SLC12A1: variants seen among roughly 807,000 people sequenced by gnomAD.
SLC12A1 encodes Na-K-2Cl cotransporter.
SLC12A1 carries 89 observed loss-of-function variants against 130.4 expected under a neutral mutation model. That is an observed-to-expected ratio of 0.68 (90% CI 0.58 to 0.81). The LOEUF (loss-of-function observed/expected upper bound fraction) is 0.81. SLC12A1 is among the 40% of genes least tolerant of loss of function. The probability of loss-of-function intolerance (pLI) is 0.00; values close to 1 mark genes in which losing one functional copy is unlikely to be tolerated. For missense variants in SLC12A1, 1,310 were observed against 1,336.4 expected, an observed-to-expected ratio of 0.98 and a Z score of 0.31; for synonymous variants, 499 against 460.0, an observed-to-expected ratio of 1.08 and a Z score of -1.09.
rs78681617 is a variant in SLC12A1, at chr15:48,221,155, G to C, written c.628+159G>C. Among the ~76,000 whole-genome samples the C allele has an allele frequency of 0.057, 8,606 of 152,270 alleles. 650 individuals carry two copies. The highest frequency in any genetic ancestry group is 0.16 in the African/African-American group (6,798 of 41,536). ...CTTCTTTGACGATGTTTGTCAGAAA[G>C]CAAAGGTGAAGAGTTAACTCCTATG... On this transcript the variant is annotated intron_variant, in intron 4 of 26. Coordinates refer to ENST00000380993, the MANE Select transcript of SLC12A1 (RefSeq NM_000338.3).
chr15:48,264,533 T>C (rs978842411), intron 17 of SLC12A1, among the ~76,000 whole-genome samples: 2 of 152,210 alleles, frequency 1.3e-5, no homozygotes, highest in African/African-American at 4.8e-5. Flanking sequence ...ATCTTATTTT[T>C]TTTATCAGTG....
rs1273906885 is a variant in SLC12A1, at chr15:48,274,517, C to G, written c.2403-54C>G. The G allele has an allele frequency of 4.3e-6, 5 of 1,155,410 alleles. No individual in the cohort carries two copies. The East Asian group carries it at 9.5e-5, about 22-fold the overall frequency. 71.6% of individuals were successfully genotyped at this position (1,155,410 alleles called of 1,614,324 possible). ...AAGCAAGTGTAATACTAGTCCAAAG[C>G]TTGAGGATTAAAAGAGCCATTTAAA... On this transcript the variant is annotated intron_variant, in intron 19 of 26. Transcript: ENST00000380993.
intron 2 of SLC12A1, among the ~76,000 whole-genome samples, chr15:48,209,184 CCTG>C (rs768212193): frequency 1.6e-4 from 24 of 152,280 alleles, no homozygotes; most frequent in Admixed American, 2.6e-4. Context: ...GCCTCAGCCC[CCTG>C]AGTAGCTGGG....
intron 18 of SLC12A1, among the ~76,000 whole-genome samples, chr15:48,268,875 A>G (rs532241567): frequency 8.5e-5 from 13 of 152,348 alleles, no homozygotes; most frequent in African/African-American, 3.1e-4. Flanking sequence ...GGGAATATGG[A>G]CATAAAATAA....
At chr15:48,251,314 G>C (rs1159352273) in intron 14 of SLC12A1, among the ~76,000 whole-genome samples, 1 of 151,444 alleles carries the variant, frequency 6.6e-6, no homozygotes, top group Non-Finnish European at 1.5e-5. Flanking sequence ...ATAGATACTA[G>C]ATGCTTAAGG....
chr15:48,225,866 A>G, intron 4 of SLC12A1: 1 of 983,310 alleles, frequency 1.0e-6, no homozygotes, highest in East Asian at 1.1e-4. Context: ...TGGTGTGATT[A>G]TCATCGGCTT....
chr15:48,213,027 T>G (rs2141006976), intron 2 of SLC12A1, among the ~76,000 whole-genome samples: 1 of 152,208 alleles, frequency 6.6e-6, no homozygotes, highest in East Asian at 1.9e-4. Flanking sequence ...GTACTATTAT[T>G]ATTGCTTTTT....
At chr15:48,256,883 C>A (rs2041714357) in intron 16 of SLC12A1, among the ~76,000 whole-genome samples, 2 of 146,136 alleles carry the variant, frequency 1.4e-5, no homozygotes, top group South Asian at 2.3e-4. Context: ...CCCAACAGTC[C>A]CCCAAAGTCT....
Position 48,208,145 on chromosome 15 carries a change from C to A in SLC12A1, c.420+6C>A. ...TTCACGAGCAACTCGCAAAGGTAAG[C>A]TTGAAGGACACAAGCAAGTCTCCTC... On this transcript the variant is annotated splice_donor_region_variant and intron_variant, in intron 2 of 26. Transcript: ENST00000380993. 1.3e-6 allele frequency: 2 copies of A among 1,564,028 alleles called. No individual in the cohort carries two copies. The highest frequency in any genetic ancestry group is 1.2e-5 in the South Asian group (1 of 81,742).
At chr15:48,227,152 C>T in intron 5 of SLC12A1, 5 of 1,551,224 alleles carry the variant, frequency 3.2e-6, no homozygotes, top group Non-Finnish European at 4.4e-6. Context: ...CTGCTATTTG[C>T]ACGAATGGAG....
chr15:48,261,799 T>A (rs975364605), intron 17 of SLC12A1, among the ~76,000 whole-genome samples: 8 of 152,206 alleles, frequency 5.3e-5, no homozygotes, highest in African/African-American at 1.9e-4. Context: ...CATGGGCTTT[T>A]GAGAATAACA....
chr15:48,262,010 A>G (rs1031825776), intron 17 of SLC12A1, among the ~76,000 whole-genome samples: 4 of 152,214 alleles, frequency 2.6e-5, no homozygotes, highest in African/African-American at 9.6e-5. Context: ...TAAATGCTCA[A>G]TTAACTTTCA....
chr15:48,296,079 ACTGGCT>A (rs1208617102), intron 24 of SLC12A1, among the ~76,000 whole-genome samples: 1 of 152,128 alleles, frequency 6.6e-6, no homozygotes, highest in Non-Finnish European at 1.5e-5. Flanking sequence ...AGAATAGAAC[ACTGGCT>A]CTATTTCAGC....
chr15:48,284,950 A>G (rs1028077984), intron 20 of SLC12A1, among the ~76,000 whole-genome samples, 156 bp from the exon 21 acceptor site: 6 of 152,242 alleles, frequency 3.9e-5, no homozygotes, highest in African/African-American at 1.4e-4. Flanking sequence ...TACTTGTATT[A>G]GAAGATAATA....
intron 20 of SLC12A1, among the ~76,000 whole-genome samples, chr15:48,280,049 T>C (rs2041994751): frequency 1.3e-5 from 2 of 152,168 alleles, no homozygotes; most frequent in South Asian, 4.1e-4. Flanking sequence ...AGGGATTCCA[T>C]TCCCCAGTGG....
chr15:48,226,448 A>T, intron 4 of SLC12A1, 28 bp from the exon 5 acceptor site: 1 of 1,357,058 alleles, frequency 7.4e-7, no homozygotes, highest in Non-Finnish European at 1.0e-6. Flanking sequence ...AGTAAAATGC[A>T]ATATCTTCTA....
intron 20 of SLC12A1, among the ~76,000 whole-genome samples, chr15:48,281,818 A>G (rs903579018): frequency 6.6e-6 from 1 of 152,216 alleles, no homozygotes; most frequent in African/African-American, 2.4e-5. Context: ...AGTGGAAATC[A>G]ACTTATATCC....
At chr15:48,282,081 T>C (rs1234779922) in intron 20 of SLC12A1, among the ~76,000 whole-genome samples, 2 of 152,144 alleles carry the variant, frequency 1.3e-5, no homozygotes, top group African/African-American at 4.8e-5. Flanking sequence ...ACCTACCAAG[T>C]GAATAATTAA....
chr15:48,256,831 C>G (rs973414741), intron 16 of SLC12A1, among the ~76,000 whole-genome samples: 14 of 148,084 alleles, frequency 9.5e-5, no homozygotes, highest in East Asian at 4.0e-4. Flanking sequence ...GGCCCCCCCC[C>G]CCAAATTTCT....
Sources: allele counts gnomAD v4.1 joint callset (sites outside exome capture counted in the v4.1 genomes callset), GRCh38; gene constraint gnomAD v4.1.1; transcripts MANE v1.5; gene names NCBI Gene and HGNC (gene_info 2026-07-23, HGNC 2026-07-21).